CNGA1: variants seen among roughly 807,000 people sequenced by gnomAD.
The protein encoded by CNGA1 is cyclic nucleotide-gated channel alpha-1.
Under a neutral mutation model 69.7 loss-of-function variants are expected in CNGA1, and 53 were observed. The ratio of observed to expected loss-of-function variants is 0.76; its 90% CI spans 0.61 to 0.96. The LOEUF (loss-of-function observed/expected upper bound fraction) is 0.96, where lower values mean the gene tolerates loss of function less well. Among genes scored for constraint, CNGA1 ranks in the 40% least tolerant of loss-of-function variants. CNGA1 has a pLI of 0.00. For synonymous variants in CNGA1, 249 were observed against 283.5 expected, an observed-to-expected ratio of 0.88 and a Z score of 1.22; for missense variants, 739 against 811.2, an observed-to-expected ratio of 0.91 and a Z score of 1.08.
chr4:47,966,497 A>G (rs1740731883), intron 3 of CNGA1, among the ~76,000 whole-genome samples: 1 of 152,188 alleles, frequency 6.6e-6, no homozygotes, highest in Admixed American at 6.5e-5. Context: ...TGAATAAGGT[A>G]TGGGTAAGGC....
chr4:47,952,564 G>A lies in CNGA1; in HGVS notation c.107+19C>T. The A allele has an allele frequency of 6.2e-7, 1 of 1,610,328 alleles. No individual in the cohort carries two copies. The highest frequency in any genetic ancestry group is 1.7e-5 in the Admixed American group (1 of 59,878). On this transcript the variant is annotated intron_variant, in intron 4 of 10. Transcript: ENST00000514170. ...CTGTAGCTAATAATAAAAATGCATG[G>A]GAAAATGTTTGGATTTACCTGCATG... is the stretch of plus-strand genomic sequence containing the variant.
At chr4:47,964,056 A>G (rs765157328) in intron 3 of CNGA1, among the ~76,000 whole-genome samples, 15 of 152,216 alleles carry the variant, frequency 9.9e-5, no homozygotes, top group Admixed American at 2.6e-4. Flanking sequence ...ATTTTAAAAT[A>G]TAATTAAAGT....
intron 3 of CNGA1, among the ~76,000 whole-genome samples, chr4:47,969,615 G>A (rs551918269): frequency 5.3e-5 from 8 of 152,102 alleles, no homozygotes; most frequent in Non-Finnish European, 8.8e-5. Context: ...GATTACAGGT[G>A]TGCACCACCA....
At chr4:47,988,985 A>ATTTT (rs1239181489) in intron 2 of CNGA1, among the ~76,000 whole-genome samples, 7 of 152,242 alleles carry the variant, frequency 4.6e-5, no homozygotes, top group South Asian at 4.1e-4. Context: ...TAGTTTTAAA[A>ATTTT]AAAAAAAGGA....
rs537273785 is a variant in CNGA1, at chr4:47,960,910, A to C, written c.-14-8207T>G. ...AATAGTAGTTGTCTAAGGGGGGTGA[A>C]ATTTACTGAAAAGGACAAAAGGGAA... On this transcript the variant is annotated intron_variant, in intron 3 of 10. Transcript: ENST00000514170. 1.1e-3 allele frequency among the ~76,000 whole-genome samples: 168 copies of C among 152,310 alleles called. No individual in the cohort carries two copies. In the Middle Eastern group the frequency reaches 0.014, roughly 12 times the overall value.
At chr4:47,942,012 C>CAAAAAAA in intron 9 of CNGA1, 29 bp downstream of exon 9, 1 of 1,165,264 alleles carries the variant, frequency 8.6e-7, no homozygotes, top group Non-Finnish European at 1.2e-6. Context: ...GTGAGATCCA[C>CAAAAAAA]AAAAAAAAAA....
At chr4:47,958,538 T>C (rs1444294145) in intron 3 of CNGA1, among the ~76,000 whole-genome samples, 3 of 151,846 alleles carry the variant, frequency 2.0e-5, no homozygotes, top group South Asian at 2.1e-4. Flanking sequence ...AGGAGAATCA[T>C]TGGAACCCAG....
chr4:48,004,448 G>A (rs1479067508), intron 2 of CNGA1, among the ~76,000 whole-genome samples: 1 of 152,054 alleles, frequency 6.6e-6, no homozygotes, highest in Non-Finnish European at 1.5e-5. Context: ...CCGACCCTGT[G>A]GGGCTGGACC....
chr4:47,948,793 G>C (rs944759535), intron 6 of CNGA1, among the ~76,000 whole-genome samples: 2 of 152,176 alleles, frequency 1.3e-5, no homozygotes, highest in African/African-American at 4.8e-5. Flanking sequence ...GACTCAAGAA[G>C]GGCATGGTGA....
intron 6 of CNGA1, among the ~76,000 whole-genome samples, chr4:47,944,180 G>A (rs1048905871): frequency 5.3e-5 from 8 of 152,162 alleles, no homozygotes; most frequent in Non-Finnish European, 8.8e-5. Context: ...TCTAAAGCTA[G>A]GCCTCAAAGT....
At chr4:48,014,272 C>T (rs1045497271) in intron 1 of CNGA1, among the ~76,000 whole-genome samples, 2 of 152,048 alleles carry the variant, frequency 1.3e-5, no homozygotes, top group African/African-American at 4.8e-5. Context: ...GGTACTATAA[C>T]GGTATTCCCC....
chr4:47,964,717 A>G (rs1042830065), intron 3 of CNGA1, among the ~76,000 whole-genome samples: 4 of 152,080 alleles, frequency 2.6e-5, no homozygotes, highest in African/African-American at 9.7e-5. Context: ...CTTTCCAACT[A>G]TAGAGATTTT....
intron 10 of CNGA1, among the ~76,000 whole-genome samples, chr4:47,939,079 GAA>G (rs1738905894): frequency 6.6e-6 from 1 of 152,082 alleles, no homozygotes; most frequent in African/African-American, 2.4e-5. Flanking sequence ...GAAAGAAAAA[GAA>G]AAGTGTCTTT....
intron 2 of CNGA1, among the ~76,000 whole-genome samples, chr4:48,010,438 C>A (rs1404929919): frequency 6.6e-6 from 1 of 152,172 alleles, no homozygotes; most frequent in African/African-American, 2.4e-5. Context: ...CTTAAAAACC[C>A]CAGAGAAGCC....
chr4:47,938,397 A>ATT (rs10647718), intron 10 of CNGA1, among the ~76,000 whole-genome samples: 13,365 of 142,668 alleles, frequency 0.094, 834 homozygotes, highest in East Asian at 0.31. Context: ...TACTAAGTGC[A>ATT]TTTTTTTTTT....
chr4:48,012,553 A>G (rs370318475), intron 1 of CNGA1, among the ~76,000 whole-genome samples: 106 of 116,816 alleles, frequency 9.1e-4, no homozygotes, highest in African/African-American at 3.3e-3. Context: ...TCCCCACCAC[A>G]CCATCTTTTT....
At chr4:47,953,348 T>C (rs1239144205) in intron 3 of CNGA1, among the ~76,000 whole-genome samples, 1 of 152,206 alleles carries the variant, frequency 6.6e-6, no homozygotes, top group Non-Finnish European at 1.5e-5. Flanking sequence ...ACTCAAGCAA[T>C]GTAACTGTAG....
chr4:47,988,241 A>G (rs527567485), intron 2 of CNGA1, among the ~76,000 whole-genome samples: 1 of 152,304 alleles, frequency 6.6e-6, no homozygotes, highest in South Asian at 2.1e-4. Flanking sequence ...TGAGACAGGA[A>G]GGACATAAGG....
intron 3 of CNGA1, among the ~76,000 whole-genome samples, chr4:47,969,051 A>G (rs2110192723): frequency 6.6e-6 from 1 of 152,254 alleles, no homozygotes; most frequent in East Asian, 1.9e-4. Flanking sequence ...ACATCATCCC[A>G]TGTTTACTTT....
Sources: gnomAD v4.1 joint callset for allele counts (sites outside exome capture counted in the v4.1 genomes callset) on GRCh38, gnomAD v4.1.1 for gene constraint, MANE v1.5 for transcripts, NCBI Gene and HGNC (gene_info 2026-07-23, HGNC 2026-07-21) for gene names.